The following DECR1 variants were observed in gnomAD, a reference collection of about 807,000 sequenced individuals.
DECR1 encodes the protein 2,4-dienoyl-CoA reductase 1.
In DECR1, 44 loss-of-function variants were observed where a neutral mutation model predicts 38.8. That is an observed-to-expected ratio of 1.13 (90% CI 0.89 to 1.46). The LOEUF is 1.46. Among genes scored for constraint, DECR1 ranks in the 40% most tolerant of loss-of-function variants. The probability of loss-of-function intolerance (pLI) is 0.00; values close to 1 mark genes in which losing one functional copy is unlikely to be tolerated. For missense variants in DECR1, 428 were observed against 405.5 expected (o/e 1.06, Z -0.48); for synonymous variants, 148 against 135.2 (o/e 1.09, Z -0.66).
intron 6 of DECR1, among the ~76,000 whole-genome samples, chr8:90,038,670 A>G (rs1813677008): frequency 6.6e-6 from 1 of 152,046 alleles, no homozygotes; most frequent in Non-Finnish European, 1.5e-5. Context: ...TTAACGTAAC[A>G]TTAAACAATC....
intron 5 of DECR1, among the ~76,000 whole-genome samples, chr8:90,034,520 C>T (rs142426686): frequency 1.9e-4 from 29 of 152,168 alleles, no homozygotes; most frequent in Middle Eastern, 3.4e-3. Flanking sequence ...GGCATCATCT[C>T]GGCTCACTGC....
chr8:90,024,994 C>G (rs1324102418), intron 5 of DECR1, among the ~76,000 whole-genome samples: 7 of 152,148 alleles, frequency 4.6e-5, no homozygotes, highest in Admixed American at 4.6e-4. Flanking sequence ...TTCCCCATTG[C>G]TTGTTTTTGT....
intron 5 of DECR1, among the ~76,000 whole-genome samples, chr8:90,027,780 A>T (rs2130093204): frequency 6.6e-6 from 1 of 152,070 alleles, no homozygotes. Context: ...TTTTTAAAAA[A>T]AAATCGTGAA....
intron 8 of DECR1, among the ~76,000 whole-genome samples, chr8:90,050,444 C>G (rs1259461168): frequency 6.6e-6 from 1 of 152,110 alleles, no homozygotes; most frequent in Non-Finnish European, 1.5e-5. Flanking sequence ...CACTGGCCAT[C>G]AGAGAAATGC....
intron 1 of DECR1, among the ~76,000 whole-genome samples, chr8:90,002,481 G>A (rs1053059476): frequency 1.3e-5 from 2 of 151,776 alleles, no homozygotes; most frequent in Non-Finnish European, 2.9e-5. Flanking sequence ...AGAAGAAAGA[G>A]AAACAAAAAC....
At chr8:90,049,974 A>G (rs775700614) in intron 8 of DECR1, among the ~76,000 whole-genome samples, 2 of 152,244 alleles carry the variant, frequency 1.3e-5, no homozygotes, top group Non-Finnish European at 2.9e-5. Flanking sequence ...GGCTAGCCAT[A>G]TGTAGAAAGC....
chr8:90,035,269 A>T (rs1199777354), intron 5 of DECR1, among the ~76,000 whole-genome samples: 1 of 151,924 alleles, frequency 6.6e-6, no homozygotes, highest in African/African-American at 2.4e-5. Flanking sequence ...CAAATTCGGA[A>T]TTTTTTTAGT....
chr8:90,032,132 C>T (rs1371450682), intron 5 of DECR1, among the ~76,000 whole-genome samples: 1 of 152,058 alleles, frequency 6.6e-6, no homozygotes, highest in Non-Finnish European at 1.5e-5. Flanking sequence ...CAGCAGAGCT[C>T]ATGTCTTGGA....
At chr8:90,023,283 T>C (rs1813211545) in intron 5 of DECR1, among the ~76,000 whole-genome samples, 1 of 152,222 alleles carries the variant, frequency 6.6e-6, no homozygotes, top group South Asian at 2.1e-4. Flanking sequence ...TTCTAAATGT[T>C]ATTTTCTAGG....
chr8:90,046,682 G>C (rs1439281940), intron 8 of DECR1, among the ~76,000 whole-genome samples: 1 of 152,146 alleles, frequency 6.6e-6, no homozygotes. Context: ...AGGAAATACA[G>C]AGAAGGCTAC....
At chr8:90,027,304 C>A (rs1457430450) in intron 5 of DECR1, among the ~76,000 whole-genome samples, 1 of 152,074 alleles carries the variant, frequency 6.6e-6, no homozygotes, top group Non-Finnish European at 1.5e-5. Flanking sequence ...GTTGATCTGT[C>A]TAATGTTGAC....
At chr8:90,048,508 C>T (rs899319065) in intron 8 of DECR1, among the ~76,000 whole-genome samples, 5 of 152,148 alleles carry the variant, frequency 3.3e-5, no homozygotes, top group Middle Eastern at 3.4e-3. Flanking sequence ...TCCCTGAATA[C>T]ACCAATAACA....
At chr8:90,023,544 T>C (rs1813217824) in intron 5 of DECR1, among the ~76,000 whole-genome samples, 1 of 152,114 alleles carries the variant, frequency 6.6e-6, no homozygotes, top group Admixed American at 6.6e-5. Flanking sequence ...ATTGAATAGG[T>C]AAAAACTTAG....
intron 5 of DECR1, among the ~76,000 whole-genome samples, chr8:90,021,357 GA>G (rs1418625224): frequency 2.6e-5 from 4 of 152,186 alleles, no homozygotes; most frequent in Admixed American, 2.0e-4. Flanking sequence ...TGTGGAGAAA[GA>G]GGAGGGAAAG....
intron 8 of DECR1, among the ~76,000 whole-genome samples, chr8:90,050,489 A>G: frequency 6.6e-6 from 1 of 152,202 alleles, no homozygotes; most frequent in East Asian, 1.9e-4. Flanking sequence ...ATCTCACACC[A>G]GTTAGAATGG....
chr8:90,047,519 C>G (rs1222077348), intron 8 of DECR1, among the ~76,000 whole-genome samples: 1 of 152,164 alleles, frequency 6.6e-6, no homozygotes, highest in Non-Finnish European at 1.5e-5. Context: ...TACAGGAGCA[C>G]CCAGATTCAT....
At chr8:90,001,656 A>C in intron 1 of DECR1, 95 bp downstream of exon 1, 2 of 1,133,656 alleles carry the variant, frequency 1.8e-6, no homozygotes, top group Non-Finnish European at 2.5e-6. Context: ...AGCGAGGACA[A>C]GGCATCCTGG....
chr8:90,036,726 A>G, intron 5 of DECR1, 115 bp from the exon 6 acceptor site: 1 of 613,290 alleles, frequency 1.6e-6, no homozygotes, highest in South Asian at 2.6e-5. Flanking sequence ...TTTAAAAAAT[A>G]CTTTAGTTTT....
At chr8:90,028,533 T>A (rs1000203172) in intron 5 of DECR1, among the ~76,000 whole-genome samples, 2 of 152,128 alleles carry the variant, frequency 1.3e-5, no homozygotes, top group Non-Finnish European at 2.9e-5. Flanking sequence ...TAAGAACATA[T>A]GAGAATTCTA....
Sources: gnomAD v4.1 joint callset for allele counts (sites outside exome capture counted in the v4.1 genomes callset) on GRCh38, gnomAD v4.1.1 for gene constraint, MANE v1.5 for transcripts, NCBI Gene and HGNC (gene_info 2026-07-23, HGNC 2026-07-21) for gene names.